PHF24: variants seen among roughly 807,000 people sequenced by gnomAD.
PHF24 encodes the protein PHD finger protein 24, also known as Galpha inhibitory interacting protein.
A neutral mutation model predicts 42.6 loss-of-function variants in PHF24; 25 were observed. That is an observed-to-expected ratio of 0.59 (90% CI 0.43 to 0.82). The LOEUF is 0.82. Among genes scored for constraint, PHF24 ranks in the 40% least tolerant of loss-of-function variants. The pLI, the probability that PHF24 is intolerant of heterozygous loss-of-function variation, is 0.00. For synonymous variants in PHF24, 185 were observed against 204.8 expected (o/e 0.90, Z 0.83); for missense variants, 470 against 538.1 (o/e 0.87, Z 1.25).
the PHF24 span, chr9:34,728,197 G>T: frequency 1.1e-6 from 1 of 882,760 alleles, no homozygotes; most frequent in Non-Finnish European, 1.7e-6. Flanking sequence ...ATCCTGAAAA[G>T]TCCGTACTCT....
At chr9:34,731,175 TG>T in the PHF24 span, among the ~76,000 whole-genome samples, 3 of 152,206 alleles carry the variant, frequency 2.0e-5, no homozygotes, top group African/African-American at 7.2e-5. Context: ...TATATATTTA[TG>T]GGGTATGTGA....
the PHF24 span, among the ~76,000 whole-genome samples, chr9:34,907,788 C>A: frequency 6.6e-6 from 1 of 151,670 alleles, no homozygotes; most frequent in African/African-American, 2.4e-5. Context: ...AGTTTGATTT[C>A]TTTCTTCGCT....
At chr9:34,666,893 T>C in the PHF24 span, among the ~76,000 whole-genome samples, 1 of 152,122 alleles carries the variant, frequency 6.6e-6, no homozygotes, top group African/African-American at 2.4e-5. Flanking sequence ...TGCTGTGAGC[T>C]GAGATCGCAC....
the PHF24 span, chr9:34,835,672 A>C: frequency 1.3e-6 from 2 of 1,551,002 alleles, no homozygotes; most frequent in Non-Finnish European, 1.7e-6. Context: ...CACAGCTGGC[A>C]CTTGAAATTC....
exon 2 of PHF24, chr9:34,971,500 G>A (rs1234186748): frequency 1.9e-6 from 3 of 1,614,188 alleles, no homozygotes; most frequent in Non-Finnish European, 1.7e-6. Flanking sequence ...AACCTCGGTG[G>A]TCCAGGAAGA....
chr9:34,964,547 C>T (rs892642640), intron 1 of PHF24, among the ~76,000 whole-genome samples: 2 of 152,100 alleles, frequency 1.3e-5, no homozygotes, highest in Admixed American at 1.3e-4. Flanking sequence ...CCCCAGCTTC[C>T]TTCCCCTTCC....
At chr9:34,743,828 G>T in the PHF24 span, among the ~76,000 whole-genome samples, 5 of 152,204 alleles carry the variant, frequency 3.3e-5, no homozygotes, top group African/African-American at 1.2e-4. Context: ...ATCATGAACA[G>T]AGATTTATTC....
the PHF24 span, chr9:34,665,984 G>T: frequency 3.8e-5 from 17 of 443,072 alleles, no homozygotes; most frequent in East Asian, 1.3e-4. Flanking sequence ...TCACCTGGAG[G>T]GGGGGCTGAG....
the PHF24 span, among the ~76,000 whole-genome samples, chr9:34,825,038 GT>G: frequency 8.7e-4 from 132 of 152,266 alleles, no homozygotes; most frequent in Middle Eastern, 0.014. Context: ...TTAACATAAA[GT>G]TTAGGCTAGA....
the PHF24 span, among the ~76,000 whole-genome samples, chr9:34,793,164 A>G: frequency 6.6e-6 from 1 of 152,084 alleles, no homozygotes; most frequent in East Asian, 1.9e-4. Flanking sequence ...CTATCATAGA[A>G]CAAAACTCAA....
At chr9:34,935,411 T>G in the PHF24 span, among the ~76,000 whole-genome samples, 2 of 152,046 alleles carry the variant, frequency 1.3e-5, no homozygotes, top group Non-Finnish European at 2.9e-5. Context: ...CTGGCCAACA[T>G]GATGAAACCT....
the PHF24 span, among the ~76,000 whole-genome samples, chr9:34,763,126 T>A: frequency 6.6e-6 from 1 of 152,228 alleles, no homozygotes; most frequent in Non-Finnish European, 1.5e-5. Context: ...TGAAGTCAGG[T>A]AGCATGATGC....
the PHF24 span, among the ~76,000 whole-genome samples, chr9:34,754,626 A>G: frequency 6.6e-6 from 1 of 152,184 alleles, no homozygotes; most frequent in Non-Finnish European, 1.5e-5. Context: ...TTAGTAAACC[A>G]CTATGGAGAA....
At chr9:34,920,902 A>T in the PHF24 span, among the ~76,000 whole-genome samples, 1 of 152,160 alleles carries the variant, frequency 6.6e-6, no homozygotes, top group Non-Finnish European at 1.5e-5. Context: ...TTTGTAGTGA[A>T]ATCTTTAGGT....
the PHF24 span, among the ~76,000 whole-genome samples, chr9:34,759,965 A>C: frequency 6.6e-6 from 1 of 152,182 alleles, no homozygotes; most frequent in Non-Finnish European, 1.5e-5. Context: ...CGGACAGGAC[A>C]GTGGGATCAG....
the PHF24 span, among the ~76,000 whole-genome samples, chr9:34,874,245 G>A: frequency 6.6e-6 from 1 of 152,164 alleles, no homozygotes; most frequent in African/African-American, 2.4e-5. Context: ...GAATAGGAAT[G>A]GTGAGAGAGG....
At chr9:34,806,016 T>G in the PHF24 span, among the ~76,000 whole-genome samples, 1 of 152,352 alleles carries the variant, frequency 6.6e-6, no homozygotes, top group Admixed American at 6.5e-5. Context: ...TTGTTGAAAC[T>G]TAGTTGTCCA....
chr9:34,797,405 C>T, the PHF24 span, among the ~76,000 whole-genome samples: 13 of 152,114 alleles, frequency 8.5e-5, no homozygotes, highest in East Asian at 7.7e-4. Context: ...TGGATCACAC[C>T]GGGGCTTGGA....
At chr9:34,895,343 C>T in the PHF24 span, among the ~76,000 whole-genome samples, 7 of 152,094 alleles carry the variant, frequency 4.6e-5, no homozygotes, top group South Asian at 4.2e-4. Flanking sequence ...TAGGATGAGA[C>T]GGGAGGAAAA....
Sources: allele counts gnomAD v4.1 joint callset (sites outside exome capture counted in the v4.1 genomes callset), GRCh38; gene constraint gnomAD v4.1.1; transcripts MANE v1.5; gene names NCBI Gene and HGNC (gene_info 2026-07-23, HGNC 2026-07-21).